HDAC7: variants seen among roughly 807,000 people sequenced by gnomAD.
HDAC7 encodes the protein histone deacetylase 7A.
HDAC7 carries 26 observed loss-of-function variants against 115.5 expected under a neutral mutation model. The observed-to-expected ratio is 0.23, with a 90% CI of 0.16 to 0.31. HDAC7 has a LOEUF of 0.31. Ranked by LOEUF, HDAC7 falls within the 10% of genes least tolerant of loss-of-function variation. The pLI is 1.00. For synonymous variants in HDAC7, 564 were observed against 550.9 expected (o/e 1.02, Z -0.33); for missense variants, 1,068 against 1,329.0 (o/e 0.80, Z 3.05).
intron 18 of HDAC7, 31 bp from the exon 19 acceptor site, chr12:47,789,379 T>TTC (rs1943356159): frequency 1.3e-6 from 2 of 1,596,656 alleles, no homozygotes; most frequent in Non-Finnish European, 1.7e-6. Context: ...TGCCAGCCCA[T>TTC]TCTCTCCACA....
At position 47,794,809 on chromosome 12, in the gene HDAC7, T is replaced by G; in HGVS notation, c.1409A>C (p.His470Pro). ...GGGGCCTCTGGCCTCAGGCTGCCCA[T>G]GGCCCAGCTCCCTGTGCTCCAGGCC... Reference protein sequence around the residue: ...DDGLEHRELGHGQPEARGPAP... With the variant: ...DDGLEHRELGPGQPEARGPAP... Residue 470 changes from histidine (H) to proline (P), a missense_variant, in exon 12 of 26, where the codon CAT (histidine) becomes CCT (proline). Physicochemically the swap from His to Pro is moderately conservative, Grantham distance 77 (BLOSUM62 -2). Transcript: ENST00000080059. 6.2e-7 allele frequency: 1 copy of G among 1,612,348 alleles called. No individual in the cohort carries two copies.
rs773565815 is a variant in HDAC7 at position 47,785,853 on chromosome 12, G to T, written c.2605C>A (p.Leu869Met). The T allele has an allele frequency of 1.2e-6, 2 of 1,610,140 alleles. No homozygotes were observed. Among genetic ancestry groups the T allele is most frequent in the Non-Finnish European group, 1.7e-6 (2 of 1,178,150 alleles). ...FGYMTQQLMN[L>M]AGGAVVLALE... ...GCCAGCACCACTGCGCCTCCTGCCA[G>T]GTTCATCAGTTGCTGCGTCATGTAT... is the stretch of plus-strand genomic sequence containing the variant. Residue 869 changes from leucine (L) to methionine (M), a missense_variant, in exon 23 of 26, where the codon CTG (leucine) becomes ATG (methionine). Physicochemically the swap from Leu to Met is conservative, Grantham distance 15 (BLOSUM62 2). This residue lies in a region of HDAC7 where 182 missense variants were observed against 301.1 expected (regional missense o/e 0.60). Transcript: ENST00000080059.
At chr12:47,785,031 G>C in intron 24 of HDAC7, 1 of 572,716 alleles carries the variant, frequency 1.7e-6, no homozygotes. Context: ...CTCCTGAGAC[G>C]CCTGTGGCCA....
chr12:47,789,227 C>T (rs1943344678), intron 19 of HDAC7, 34 bp downstream of exon 19: 2 of 1,533,998 alleles, frequency 1.3e-6, no homozygotes, highest in Non-Finnish European at 1.8e-6. Context: ...CCCCAGGGCT[C>T]TCGAATTGGA....
At chr12:47,784,425 A>C in intron 24 of HDAC7, 1 of 622,698 alleles carries the variant, frequency 1.6e-6, no homozygotes, top group Non-Finnish European at 2.8e-6. Flanking sequence ...AGTGGGTTCA[A>C]CATGGCTGTG....
rs889477112 is a variant in HDAC7, at chr12:47,793,970, T to A, written c.1459-382A>T. 6.6e-6 allele frequency among the ~76,000 whole-genome samples: 1 copy of A among 152,160 alleles called. No individual in the cohort carries two copies. Among genetic ancestry groups the A allele is most frequent in the Non-Finnish European group, 1.5e-5 (1 of 68,020 alleles). On this transcript the variant is annotated intron_variant, in intron 12 of 25. Coordinates refer to ENST00000080059, the MANE Select transcript of HDAC7 (RefSeq NM_015401.5). The surrounding 1 kb of genome is among the most constrained non-coding windows in gnomAD (Gnocchi z 4.5). ...ATGGAGTAAATTATGTTCCCCACCCTCAAATTTATATGTTGAAGTCCCAAC... is the reference window on the plus strand; with the variant it reads ...ATGGAGTAAATTATGTTCCCCACCCACAAATTTATATGTTGAAGTCCCAAC...
chr12:47,798,706 G>A lies in HDAC7; in HGVS notation c.259-54C>T. 1 of 1,576,110 alleles carries A rather than the reference G, an allele frequency of 6.3e-7. No individual in the cohort carries two copies. The highest frequency in any genetic ancestry group is 8.6e-7 in the Non-Finnish European group (1 of 1,159,084). The stretch of plus-strand genomic sequence containing the variant: ...GGACAAGGAGTTGAGGACTGAGACT[G>A]GTGTCTAGGGATGCTGAAGGCGGGG... On this transcript the variant is annotated intron_variant, in intron 3 of 25. Coordinates refer to ENST00000080059, the MANE Select transcript of HDAC7 (RefSeq NM_015401.5). The surrounding 1 kb of genome is among the most constrained non-coding windows in gnomAD (Gnocchi z 4.3).
Position 47,785,384 on chromosome 12 carries a change from T to C in HDAC7, c.2791+3A>G, listed in dbSNP as rs1943120010. 1.9e-6 allele frequency: 3 copies of C among 1,606,090 alleles called. No homozygotes were observed. Among genetic ancestry groups the C allele is most frequent in the South Asian group, 1.1e-5 (1 of 89,836 alleles). On this transcript the variant is annotated splice_donor_region_variant and intron_variant, in intron 24 of 25. Transcript: ENST00000080059. ...TCAGCGAGTGTCCCATCTCCACACTTACTGTGCACCCGGATCACGGCCTCC... is the reference window on the plus strand; with the variant it reads ...TCAGCGAGTGTCCCATCTCCACACTCACTGTGCACCCGGATCACGGCCTCC...
chr12:47,783,613 G>A lies in HDAC7; in HGVS notation c.*228C>T, dbSNP rs1237209822. ...AGAATCTGTTCTCGAGAGCCCTGTG[G>A]GGGTCGCCGCCCAGCCCGTCTCCTC... On this transcript the variant is annotated 3_prime_UTR_variant, in exon 26 of 26. Transcript: ENST00000080059. 1.7e-6 allele frequency: 1 copy of A among 577,410 alleles called. No homozygotes were observed. Among genetic ancestry groups the A allele is most frequent in the East Asian group, 3.0e-5 (1 of 33,302 alleles). 35.8% of individuals were successfully genotyped at this position (577,410 alleles called of 1,614,324 possible).
rs1227023681 is a variant in HDAC7, at chr12:47,794,656, C to A, written c.1458+104G>T. ...TATAGGGCAACCATGGGTCCTAGAG[C>A]TGCCTGTTGCACTGATGTCGTATCT... On this transcript the variant is annotated intron_variant, in intron 12 of 25. Coordinates refer to ENST00000080059, the MANE Select transcript of HDAC7 (RefSeq NM_015401.5). 4 of 1,200,602 alleles carry A rather than the reference C, an allele frequency of 3.3e-6. No individual in the cohort carries two copies. The African/African-American group carries it at 6.2e-5, about 19-fold the overall frequency. 74.4% of individuals were successfully genotyped at this position (1,200,602 alleles called of 1,614,324 possible). A position where few individuals can be genotyped will look rare whatever the true frequency, so the allele number is the denominator to read the frequency against.
At chr12:47,820,145 GCCGAACCCGGAACGCCGGCCGCGGCT>G (rs1171602713), upstream of HDAC7, among the ~76,000 whole-genome samples, 1 of 151,078 alleles carries the variant, frequency 6.6e-6, no homozygotes, top group African/African-American at 2.4e-5. This position sits in a 1 kb window ranked among gnomAD's most constrained non-coding sequence, Gnocchi z 4.3. Context: ...GGGAGGCAGC[GCCGAACCCGGAACGCCGGCCGCGGCT>G]CCGAGCCCCA....
At chr12:47,814,267 A>G (rs895364077) in intron 1 of HDAC7, among the ~76,000 whole-genome samples, 1 of 151,960 alleles carries the variant, frequency 6.6e-6, no homozygotes, top group Non-Finnish European at 1.5e-5. Context: ...TCTGGTCCCA[A>G]CCCCAGCCTT....
At chr12:47,802,527 C>T (rs1944219999) in intron 1 of HDAC7, 1 of 1,543,706 alleles carries the variant, frequency 6.5e-7, no homozygotes, top group South Asian at 1.2e-5. Context: ...TGAACTCAGA[C>T]TACAGCAAGA....
intron 1 of HDAC7, among the ~76,000 whole-genome samples, chr12:47,805,276 G>T (rs1354537738): frequency 6.6e-6 from 1 of 150,990 alleles, no homozygotes; most frequent in Non-Finnish European, 1.5e-5. Flanking sequence ...TTTTTGTAGA[G>T]ACGAAGTCTT....
At chr12:47,810,855 T>G (rs2137053883) in intron 1 of HDAC7, among the ~76,000 whole-genome samples, 1 of 147,686 alleles carries the variant, frequency 6.8e-6, no homozygotes, top group East Asian at 2.0e-4. Context: ...TCTATCTCTA[T>G]CTCTGTCTCT....
intron 19 of HDAC7, chr12:47,788,900 A>T (rs1469338853): frequency 4.8e-6 from 1 of 206,870 alleles, no homozygotes; most frequent in Non-Finnish European, 9.7e-6. Flanking sequence ...CAGTGTCTGG[A>T]TGTGATTAGT....
Position 47,797,601 on chromosome 12 carries a change from AG to A in HDAC7, c.462-103del. 1 of 829,628 alleles carries A rather than the reference AG, an allele frequency of 1.2e-6. No homozygotes were observed. The highest frequency in any genetic ancestry group is 2.6e-5 in the East Asian group (1 of 38,540). The allele number at this position is 829,628 out of a possible 1,614,324, so 51.4% of individuals were successfully genotyped here. On this transcript the variant is annotated intron_variant, in intron 5 of 25. Coordinates refer to ENST00000080059, the MANE Select transcript of HDAC7 (RefSeq NM_015401.5). This position sits in a 1 kb window ranked among gnomAD's most constrained non-coding sequence, Gnocchi z 5.5. ...ACCTGAGGGGGAGGCTGCAGCGGGCAGGGCTGGGCAATGTGGGGCTGGTAGG... is the reference window on the plus strand; with the variant it reads ...ACCTGAGGGGGAGGCTGCAGCGGGCAGGCTGGGCAATGTGGGGCTGGTAGG...
At chr12:47,820,260 C>T (rs959326965), upstream of HDAC7, among the ~76,000 whole-genome samples, 1 of 152,170 alleles carries the variant, frequency 6.6e-6, no homozygotes. This position sits in a 1 kb window ranked among gnomAD's most constrained non-coding sequence, Gnocchi z 4.3. Flanking sequence ...GCATACACAA[C>T]GTACACGAGC....
chr12:47,806,835 C>T (rs1592686516), intron 1 of HDAC7, among the ~76,000 whole-genome samples: 1 of 152,140 alleles, frequency 6.6e-6, no homozygotes, highest in South Asian at 2.1e-4. Context: ...TTGTCTGCAG[C>T]CTCCTTCCTG....
Sources: gnomAD v4.1 joint callset for allele counts (sites outside exome capture counted in the v4.1 genomes callset) on GRCh38, gnomAD v4.1.1 for gene constraint, gnomAD v4.1.1 regional missense constraint, Gnocchi (gnomAD v3.1) non-coding constraint, MANE v1.5 for transcripts, NCBI Gene and HGNC (gene_info 2026-07-23, HGNC 2026-07-21) for gene names.